Variants in OPA1 observed in about 807,000 individuals in gnomAD.
OPA1 encodes the protein OPA1 mitochondrial dynamin like GTPase.
OPA1 carries 59 observed loss-of-function variants against 152.9 expected under a neutral mutation model. That is an observed-to-expected ratio of 0.39 (90% CI 0.31 to 0.48). The LOEUF (loss-of-function observed/expected upper bound fraction) is 0.48, where lower values mean the gene tolerates loss of function less well. Ranked by LOEUF, OPA1 falls within the 20% of genes least tolerant of loss-of-function variation. OPA1 has a pLI of 0.96. For synonymous variants in OPA1, 400 were observed against 389.9 expected (o/e 1.03, Z -0.31); for missense variants, 1,008 against 1,216.8 (o/e 0.83, Z 2.55).
At chr3:193,638,560 A>G (rs147628878) in intron 11 of OPA1, among the ~76,000 whole-genome samples, 23 of 152,346 alleles carry the variant, frequency 1.5e-4, no homozygotes, top group Admixed American at 3.9e-4. Flanking sequence ...CTAATTTTCA[A>G]TGTGAAAATA....
At chr3:193,615,312 C>T (rs1195115635) in intron 2 of OPA1, among the ~76,000 whole-genome samples, 1 of 152,136 alleles carries the variant, frequency 6.6e-6, no homozygotes, top group African/African-American at 2.4e-5. Flanking sequence ...CATTTAGTAG[C>T]ACAGATGTGA....
chr3:193,683,813 A>T (rs554254842), intron 29 of OPA1, among the ~76,000 whole-genome samples: 1 of 152,248 alleles, frequency 6.6e-6, no homozygotes, highest in African/African-American at 2.4e-5. Context: ...AATATATTAC[A>T]GTATACTGTA....
intron 6 of OPA1, 151 bp from the exon 7 acceptor site, chr3:193,625,941 G>GC: frequency 1.4e-6 from 1 of 691,884 alleles, no homozygotes; most frequent in Non-Finnish European, 2.7e-6. Context: ...GCGGTACAGA[G>GC]CCCAAGGGTA....
intron 10 of OPA1, 60 bp from the exon 11 acceptor site, chr3:193,637,892 G>C: frequency 2.3e-6 from 3 of 1,331,992 alleles, no homozygotes; most frequent in Non-Finnish European, 3.2e-6. Flanking sequence ...TTACAAATAG[G>C]TTTTAATTTT....
At chr3:193,665,125 T>G (rs1169887715) in intron 27 of OPA1, 129 bp downstream of exon 27, 1 of 640,266 alleles carries the variant, frequency 1.6e-6, no homozygotes, top group Admixed American at 2.7e-5. Context: ...TATGTGTAAT[T>G]TATAAAGAAT....
chr3:193,648,646 A>C, intron 20 of OPA1, 149 bp from the exon 21 acceptor site: 1 of 603,626 alleles, frequency 1.7e-6, no homozygotes, highest in Non-Finnish European at 3.0e-6. Context: ...CCTAAAAAAA[A>C]ACACTAGAAG....
chr3:193,631,848 A>T, intron 8 of OPA1, 183 bp downstream of exon 8: 1 of 622,950 alleles, frequency 1.6e-6, no homozygotes, highest in Non-Finnish European at 2.9e-6. Flanking sequence ...GAACTAGATA[A>T]GTATGGAGTT....
chr3:193,653,074 TATAAAGTGGTATCTGAAG>T (rs1454005823), intron 21 of OPA1, among the ~76,000 whole-genome samples: 24 of 152,316 alleles, frequency 1.6e-4, no homozygotes, highest in African/African-American at 5.8e-4. Flanking sequence ...TGAGATTGTG[TATAAAGTGGTATCTGAAG>T]AGGAGGCCCT....
At chr3:193,667,944 GT>G (rs1262390221) in intron 29 of OPA1, among the ~76,000 whole-genome samples, 2 of 152,070 alleles carry the variant, frequency 1.3e-5, no homozygotes, top group African/African-American at 4.8e-5. Context: ...GAAGAATGGT[GT>G]TTAGAAATGG....
intron 8 of OPA1, among the ~76,000 whole-genome samples, chr3:193,633,476 C>G (rs1052488225): frequency 6.6e-6 from 1 of 152,176 alleles, no homozygotes; most frequent in African/African-American, 2.4e-5. Flanking sequence ...AAATTCTACC[C>G]TCTTATATGC....
chr3:193,665,722 T>C (rs1716371674), intron 27 of OPA1, among the ~76,000 whole-genome samples: 1 of 152,164 alleles, frequency 6.6e-6, no homozygotes, highest in Non-Finnish European at 1.5e-5. Context: ...TAAATTTATA[T>C]TTAAATGCAC....
At chr3:193,622,668 T>C (rs1336998353) in intron 6 of OPA1, among the ~76,000 whole-genome samples, 1 of 152,206 alleles carries the variant, frequency 6.6e-6, no homozygotes, top group African/African-American at 2.4e-5. Flanking sequence ...TGTAGCTCCA[T>C]TAATTATATT....
intron 1 of OPA1, among the ~76,000 whole-genome samples, chr3:193,597,401 G>C (rs894764922): frequency 6.6e-6 from 1 of 152,052 alleles, no homozygotes; most frequent in East Asian, 1.9e-4. Flanking sequence ...TGATAGAAAC[G>C]GAAATCAGGC....
chr3:193,635,407 T>G lies in OPA1; in HGVS notation c.844-11T>G, dbSNP rs746237234. 1 of 1,504,614 alleles carries G rather than the reference T, an allele frequency of 6.6e-7. No individual in the cohort carries two copies. The allele number at this position is 1,504,614 out of a possible 1,614,324, so 93.2% of individuals were successfully genotyped here. A position where few individuals can be genotyped will look rare whatever the true frequency, so the allele number is the denominator to read the frequency against. ...TTTGCTTATATAGTTACACTTATTA[T>G]TTTATTGCAGTTGAAGTATCAGAGA... is the stretch of plus-strand genomic sequence containing the variant. On this transcript the variant is annotated splice_polypyrimidine_tract_variant and intron_variant, in intron 8 of 30. Coordinates refer to ENST00000361510, the MANE Select transcript of OPA1 (RefSeq NM_130837.3).
intron 29 of OPA1, among the ~76,000 whole-genome samples, chr3:193,672,433 G>T (rs1312096335): frequency 6.6e-6 from 1 of 152,122 alleles, no homozygotes; most frequent in Non-Finnish European, 1.5e-5. Flanking sequence ...TTATTGTGAG[G>T]TATTGGGCCT....
intron 6 of OPA1, among the ~76,000 whole-genome samples, chr3:193,622,763 C>G (rs1307830091): frequency 6.6e-6 from 1 of 152,196 alleles, no homozygotes; most frequent in Non-Finnish European, 1.5e-5. Flanking sequence ...ATTTCTGTTA[C>G]TAAATCTTTT....
At chr3:193,611,165 G>A (rs924223355) in intron 1 of OPA1, among the ~76,000 whole-genome samples, 1 of 152,178 alleles carries the variant, frequency 6.6e-6, no homozygotes, top group Non-Finnish European at 1.5e-5. Context: ...TTCCTATTTG[G>A]CCATCTTGGA....
At chr3:193,619,042 A>G (rs1729554383) in intron 6 of OPA1, 106 bp downstream of exon 6, 4 of 877,904 alleles carry the variant, frequency 4.6e-6, no homozygotes, top group East Asian at 2.5e-5. Flanking sequence ...AGCAAATACA[A>G]AAACATCCAA....
At chr3:193,670,533 A>G (rs1018008236) in intron 29 of OPA1, among the ~76,000 whole-genome samples, 3 of 151,294 alleles carry the variant, frequency 2.0e-5, no homozygotes, top group Non-Finnish European at 4.4e-5. Context: ...TGCCTGGCTT[A>G]TTTTTTGTAT....
Sources: gnomAD v4.1 joint callset for allele counts (sites outside exome capture counted in the v4.1 genomes callset) on GRCh38, gnomAD v4.1.1 for gene constraint, MANE v1.5 for transcripts, NCBI Gene and HGNC (gene_info 2026-07-23, HGNC 2026-07-21) for gene names.